Variants in DGKB observed in about 807,000 individuals in gnomAD.
DGKB encodes diacylglycerol kinase beta, also known as 90 kDa diacylglycerol kinase.
Under a neutral mutation model 114.3 loss-of-function variants are expected in DGKB, and 67 were observed. That is an observed-to-expected ratio of 0.59 (90% confidence interval 0.48 to 0.72). The LOEUF (loss-of-function observed/expected upper bound fraction) is 0.72. Among genes scored for constraint, DGKB ranks in the 30% least tolerant of loss-of-function variants. The pLI is 0.00. For missense variants in DGKB, 907 were observed against 975.2 expected (o/e 0.93, Z 0.93); for synonymous variants, 398 against 323.1 (o/e 1.23, Z -2.49).
chr7:14,300,912 A>G (rs1257778365), intron 23 of DGKB, among the ~76,000 whole-genome samples: 1 of 152,130 alleles, frequency 6.6e-6, no homozygotes, highest in Non-Finnish European at 1.5e-5. Flanking sequence ...TTGGTTTATC[A>G]GTCAAAGATG....
At chr7:14,526,257 G>T (rs1417175104) in intron 20 of DGKB, among the ~76,000 whole-genome samples, 1 of 152,060 alleles carries the variant, frequency 6.6e-6, no homozygotes, top group East Asian at 1.9e-4. Context: ...TCGTTGTTGT[G>T]GGGGGCTATA....
chr7:14,547,870 T>C (rs953393162), intron 20 of DGKB, among the ~76,000 whole-genome samples: 7 of 152,202 alleles, frequency 4.6e-5, no homozygotes, highest in Admixed American at 1.3e-4. Flanking sequence ...AGAGGCTTCA[T>C]CTACATCCTG....
At chr7:14,412,887 A>G (rs1401053244) in intron 21 of DGKB, among the ~76,000 whole-genome samples, 3 of 152,056 alleles carry the variant, frequency 2.0e-5, no homozygotes, top group African/African-American at 7.2e-5. Context: ...AGGCTGAGAC[A>G]GGAGAATCGC....
In DGKB at chr7:14,213,275, C is replaced by A. The variant is rs369565714; in HGVS notation, c.2123-35124G>T. 2.6e-5 allele frequency among the ~76,000 whole-genome samples: 4 copies of A among 152,148 alleles called. No individual in the cohort carries two copies. The East Asian group carries it at 7.8e-4, about 30-fold the overall frequency. On this transcript the variant is annotated intron_variant, in intron 23 of 25. Coordinates refer to ENST00000402815, the MANE Select transcript of DGKB (RefSeq NM_001350709.2). ...TTTCTTCTATTTAAAGTTGCGCTTT[C>A]TCATTTTTTCTGTTAACAATGCTGC... is the stretch of plus-strand genomic sequence containing the variant.
intron 1 of DGKB, among the ~76,000 whole-genome samples, chr7:14,864,170 G>A (rs988302876): frequency 2.7e-5 from 4 of 149,274 alleles, no homozygotes; most frequent in African/African-American, 9.8e-5. Context: ...ATAACCAATT[G>A]TATTTGTTAT....
upstream of DGKB, among the ~76,000 whole-genome samples, chr7:14,905,683 ATAGTC>A (rs1433883697): frequency 6.6e-6 from 1 of 152,206 alleles, no homozygotes; most frequent in African/African-American, 2.4e-5. Context: ...TAATTTAATG[ATAGTC>A]ATTTACTGAA....
chr7:14,302,285 ATCT>A (rs1585021193), intron 23 of DGKB, among the ~76,000 whole-genome samples: 1 of 151,968 alleles, frequency 6.6e-6, no homozygotes, highest in Non-Finnish European at 1.5e-5. Context: ...ACATAAGAAA[ATCT>A]TCTGTGTTAC....
intron 23 of DGKB, among the ~76,000 whole-genome samples, chr7:14,337,666 C>T (rs558252928): frequency 2.0e-5 from 3 of 152,140 alleles, no homozygotes; most frequent in South Asian, 4.2e-4. Flanking sequence ...TATATTAGTC[C>T]ATTAACACTG....
At chr7:14,475,610 T>A (rs1782050846) in intron 21 of DGKB, among the ~76,000 whole-genome samples, 1 of 152,140 alleles carries the variant, frequency 6.6e-6, no homozygotes, top group Admixed American at 6.6e-5. Flanking sequence ...TGTGACTTTG[T>A]GTCATTTTAG....
chr7:14,280,194 C>T (rs1182913382), intron 23 of DGKB, among the ~76,000 whole-genome samples: 5 of 151,960 alleles, frequency 3.3e-5, no homozygotes, highest in South Asian at 2.1e-4. Context: ...AACCAAGGCT[C>T]GAGAACTACG....
chr7:14,481,817 G>T (rs1468797120), intron 20 of DGKB, among the ~76,000 whole-genome samples: 1 of 151,860 alleles, frequency 6.6e-6, no homozygotes. Flanking sequence ...TTCAAAAGCT[G>T]GTTTTCGGTG....
chr7:14,469,172 T>G (rs1481638908), intron 21 of DGKB, among the ~76,000 whole-genome samples: 1 of 152,038 alleles, frequency 6.6e-6, no homozygotes, highest in Non-Finnish European at 1.5e-5. Flanking sequence ...CTGGTTTATA[T>G]TCTTCTGTGG....
chr7:14,375,716 C>T (rs1314696076), intron 21 of DGKB, among the ~76,000 whole-genome samples: 2 of 152,116 alleles, frequency 1.3e-5, no homozygotes, highest in Non-Finnish European at 2.9e-5. Context: ...GCTTTGCTTT[C>T]TTCGATAGCA....
At chr7:14,231,082 C>CCTTTCTCT (rs1554297107) in intron 23 of DGKB, among the ~76,000 whole-genome samples, 2 of 121,764 alleles carry the variant, frequency 1.6e-5, no homozygotes, top group Non-Finnish European at 3.5e-5. Flanking sequence ...TTCTTCTTTC[C>CCTTTCTCT]CTTTCTTTCT....
chr7:14,491,644 G>T (rs1465546043), intron 20 of DGKB, among the ~76,000 whole-genome samples: 1 of 152,030 alleles, frequency 6.6e-6, no homozygotes, highest in Non-Finnish European at 1.5e-5. Flanking sequence ...TTTAGAGGCT[G>T]CTTGTGTCCA....
intron 13 of DGKB, among the ~76,000 whole-genome samples, chr7:14,672,670 GGTAA>G (rs1819161988): frequency 2.0e-5 from 3 of 151,936 alleles, no homozygotes; most frequent in Non-Finnish European, 4.4e-5. Flanking sequence ...TACAATTCCT[GGTAA>G]GTAGCAGCAC....
chr7:14,529,291 A>G (rs1456458856), intron 20 of DGKB, among the ~76,000 whole-genome samples: 5 of 151,966 alleles, frequency 3.3e-5, no homozygotes, highest in Admixed American at 3.3e-4. Context: ...CAAGAAGAGA[A>G]GGGTTTGGAG....
At chr7:14,205,784 C>CA (rs1342243254) in intron 23 of DGKB, among the ~76,000 whole-genome samples, 2 of 151,864 alleles carry the variant, frequency 1.3e-5, no homozygotes, top group African/African-American at 4.8e-5. Context: ...TTGTACTCTG[C>CA]AAAAAATCAC....
chr7:14,303,536 C>G (rs1243582736), intron 23 of DGKB, among the ~76,000 whole-genome samples: 1 of 151,722 alleles, frequency 6.6e-6, no homozygotes, highest in Non-Finnish European at 1.5e-5. Context: ...AATTTATTTT[C>G]CCATTTAATT....
Sources: allele counts gnomAD v4.1 joint callset (sites outside exome capture counted in the v4.1 genomes callset), GRCh38; gene constraint gnomAD v4.1.1; transcripts MANE v1.5; gene names NCBI Gene and HGNC (gene_info 2026-07-23, HGNC 2026-07-21).